ACP3: variants seen among roughly 807,000 people sequenced by gnomAD.
ACP3 encodes prostatic acid phosphatase.
In ACP3, 38 loss-of-function variants were observed where a neutral mutation model predicts 45.6. The observed-to-expected ratio is 0.83, with a 90% CI of 0.64 to 1.09. The LOEUF (loss-of-function observed/expected upper bound fraction) is 1.09, where lower values mean the gene tolerates loss of function less well. ACP3 is among the 50% of genes least tolerant of loss of function. ACP3 has a pLI of 0.00. For synonymous variants in ACP3, 162 were observed against 164.7 expected, an observed-to-expected ratio of 0.98 and a Z score of 0.13; for missense variants, 466 against 463.2, an observed-to-expected ratio of 1.01 and a Z score of -0.05.
intron 1 of ACP3, among the ~76,000 whole-genome samples, chr3:132,323,505 T>C (rs1937241787): frequency 6.6e-6 from 1 of 152,098 alleles, no homozygotes; most frequent in African/African-American, 2.4e-5. Flanking sequence ...TGAGATAAGA[T>C]AGAGATTGAG....
intron 5 of ACP3, among the ~76,000 whole-genome samples, chr3:132,338,114 T>C (rs1937517674): frequency 1.3e-5 from 2 of 152,158 alleles, no homozygotes; most frequent in Non-Finnish European, 2.9e-5. Context: ...TAGTAGTCTT[T>C]TATGTGTTTA....
At chr3:132,338,677 T>C (rs986751148) in intron 5 of ACP3, among the ~76,000 whole-genome samples, 1 of 152,188 alleles carries the variant, frequency 6.6e-6, no homozygotes, top group Non-Finnish European at 1.5e-5. Context: ...TCTGGGGATA[T>C]TTGCCAATCT....
Position 132,352,789 on chromosome 3 carries a change from T to G in ACP3, c.934T>G (p.Ser312Ala), listed in dbSNP as rs1937784339. The G allele has an allele frequency of 1.2e-6, 2 of 1,613,558 alleles. No homozygotes were observed. The highest frequency in any genetic ancestry group is 1.7e-6 in the Non-Finnish European group (2 of 1,179,488). The change falls in exon 9 of 10, where the codon TCT becomes GCT. Residue 312 changes from serine (S) to alanine (A), a missense_variant. Coordinates refer to ENST00000336375, the MANE Select transcript of ACP3 (RefSeq NM_001099.5). ...VYNGLLPPYA[S>A]CHLTELYFEK... is the part of the protein sequence containing the mutation. ...CAACGGACTCCTTCCTCCCTATGCT[T>G]CTTGCCACTTGACGGAATTGTACTT...
intron 4 of ACP3, among the ~76,000 whole-genome samples, chr3:132,336,968 T>A (rs1937501225): frequency 6.6e-6 from 1 of 152,200 alleles, no homozygotes; most frequent in Admixed American, 6.5e-5. Flanking sequence ...CTCTTAACAG[T>A]CTGCAAATTT....
intron 2 of ACP3, among the ~76,000 whole-genome samples, chr3:132,329,148 G>C (rs1937355771): frequency 6.6e-6 from 1 of 152,174 alleles, no homozygotes; most frequent in Admixed American, 6.5e-5. Context: ...TGACTCTTCT[G>C]TTTGGAGCCA....
chr3:132,352,080 G>T (rs1446415496), intron 8 of ACP3, among the ~76,000 whole-genome samples: 3 of 152,072 alleles, frequency 2.0e-5, no homozygotes, highest in African/African-American at 7.2e-5. Context: ...ATTTCAAAAA[G>T]GCACAGCACT....
chr3:132,353,998 G>A (rs1275765643), intron 9 of ACP3, among the ~76,000 whole-genome samples: 2 of 152,152 alleles, frequency 1.3e-5, no homozygotes, highest in Non-Finnish European at 2.9e-5. Context: ...CTAAAATGTG[G>A]TCTTAGTTAA....
chr3:132,367,778 C>T (rs779069001), exon 11 of ACP3: 77 of 1,613,688 alleles, frequency 4.8e-5, no homozygotes, highest in East Asian at 2.2e-4. Flanking sequence ...TATCCACATT[C>T]GCCGTGGACT....
Position 132,320,372 on chromosome 3 carries a change from A to C in ACP3, c.120+2796A>C, listed in dbSNP as rs145936072. ...ACTATCACCCATGCAATCTTGTTTC[A>C]TCTGCATAGCCACTCATTTCCCACA... On this transcript the variant is annotated intron_variant, in intron 1 of 9. Transcript: ENST00000336375. Among the ~76,000 whole-genome samples, 96 of 152,308 alleles carry C rather than the reference A, an allele frequency of 6.3e-4. No individual in the cohort carries two copies. The East Asian group carries it at 0.016, about 25-fold the overall frequency.
chr3:132,345,903 T>C (rs17241722), intron 7 of ACP3, among the ~76,000 whole-genome samples: 73,161 of 152,042 alleles, frequency 0.48, 18,451 homozygotes, highest in Middle Eastern at 0.66. Context: ...GACTTAGATG[T>C]GGTTATCATA....
chr3:132,327,383 G>A (rs180919286), intron 1 of ACP3, among the ~76,000 whole-genome samples: 33 of 148,390 alleles, frequency 2.2e-4, no homozygotes, highest in Admixed American at 1.2e-3. Context: ...GTGTGGTGGC[G>A]TGTGCCTGTA....
intron 5 of ACP3, 135 bp downstream of exon 5, chr3:132,337,689 A>G: frequency 1.8e-6 from 1 of 543,402 alleles, no homozygotes; most frequent in Admixed American, 3.3e-5. Flanking sequence ...TGGTTACAGC[A>G]ATGGGTTAGA....
chr3:132,359,505 CTAAATAAATAAA>C (rs151183478), downstream of ACP3, among the ~76,000 whole-genome samples: 2 of 151,362 alleles, frequency 1.3e-5, no homozygotes, highest in Admixed American at 6.6e-5. Context: ...GAGACTCTGT[CTAAATAAATAAA>C]TAAATAAATA....
intron 4 of ACP3, among the ~76,000 whole-genome samples, chr3:132,334,083 AAAAAC>A (rs747663633): frequency 2.6e-5 from 4 of 152,234 alleles, no homozygotes; most frequent in Non-Finnish European, 4.4e-5. Flanking sequence ...AAAATAAATA[AAAAAC>A]AAAACAAAAC....
At chr3:132,361,849 A>T (rs1309651751), downstream of ACP3, among the ~76,000 whole-genome samples, 2 of 152,162 alleles carry the variant, frequency 1.3e-5, no homozygotes, top group African/African-American at 2.4e-5. Flanking sequence ...GGCTGACCTC[A>T]TTGTGAGTGT....
chr3:132,344,980 G>A lies in ACP3; in HGVS notation c.702G>A (p.Lys234=). 1 of 1,613,916 alleles carries A rather than the reference G, an allele frequency of 6.2e-7. No homozygotes were observed. The highest frequency in any genetic ancestry group is 8.5e-7 in the Non-Finnish European group (1 of 1,179,908). ...PSWATEDTMT[K]LRELSELSLL... ...GGGCCACTGAGGACACCATGACTAA[G>A]TTGAGAGAATTGTCAGAATTGTCCC... Residue 234 remains lysine (K), a synonymous_variant, in exon 7 of 10, where the codon AAG becomes AAA. Transcript: ENST00000336375.
rs745587221 is a variant in ACP3, at chr3:132,332,144, C to T, written c.304-48C>T. 6.2e-6 allele frequency: 10 copies of T among 1,611,492 alleles called. No individual in the cohort carries two copies. The South Asian group carries it at 1.1e-4, about 18-fold the overall frequency. ...ACCTTGGCAGCTCTGTAGAAAAAAA[C>T]CTCATGCTCCCTTTACGTTCGCTTC... On this transcript the variant is annotated intron_variant, in intron 3 of 9. Transcript: ENST00000336375.
intron 1 of ACP3, among the ~76,000 whole-genome samples, chr3:132,323,170 G>GAAAA (rs60981392): frequency 9.1e-5 from 13 of 142,882 alleles, no homozygotes; most frequent in African/African-American, 3.3e-4. Flanking sequence ...TGAAAGAAAG[G>GAAAA]AAAAAAAAAA....
intron 1 of ACP3, among the ~76,000 whole-genome samples, chr3:132,319,212 A>G (rs11714679): frequency 0.21 from 31,633 of 152,188 alleles, 3,492 homozygotes; most frequent in African/African-American, 0.25. Context: ...ACTTAAGCCA[A>G]TAAACATCAG....
Sources: gnomAD v4.1 joint callset for allele counts (sites outside exome capture counted in the v4.1 genomes callset) on GRCh38, gnomAD v4.1.1 for gene constraint, MANE v1.5 for transcripts, NCBI Gene and HGNC (gene_info 2026-07-23, HGNC 2026-07-21) for gene names.